The following VDR variants were observed in gnomAD, a reference collection of about 807,000 sequenced individuals.
VDR encodes vitamin D3 receptor.
VDR carries 19 observed loss-of-function variants against 39.7 expected under a neutral mutation model. The observed-to-expected ratio is 0.48, with a 90% CI of 0.33 to 0.70. The LOEUF (loss-of-function observed/expected upper bound fraction) is 0.70. VDR is among the 30% of genes least tolerant of loss of function. VDR has a pLI of 0.02. For synonymous variants in VDR, 242 were observed against 215.8 expected (o/e 1.12, Z -1.07); for missense variants, 442 against 570.5 (o/e 0.77, Z 2.29).
intron 2 of VDR, 48 bp downstream of exon 2, chr12:47,882,646 T>A: frequency 3.6e-5 from 5 of 140,786 alleles, no homozygotes; most frequent in Non-Finnish European, 6.3e-5. Flanking sequence ...ACCCCGCCCC[T>A]TGAAAACAGA....
At chr12:47,878,905 A>T in intron 3 of VDR, 63 bp downstream of exon 3, 1 of 1,613,076 alleles carries the variant, frequency 6.2e-7, no homozygotes, top group Non-Finnish European at 8.5e-7. Context: ...GGCTCCCTTC[A>T]TGGAAACACC....
At chr12:47,866,714 G>A (rs760276921) in intron 3 of VDR, among the ~76,000 whole-genome samples, 2 of 152,352 alleles carry the variant, frequency 1.3e-5, no homozygotes, top group South Asian at 2.1e-4. Context: ...CTAGAGCTGG[G>A]CACAGTGGCT....
chr12:47,857,088 C>T, intron 6 of VDR, 41 bp downstream of exon 6: 1 of 1,613,010 alleles, frequency 6.2e-7, no homozygotes, highest in Non-Finnish European at 8.5e-7. Flanking sequence ...GACTCCTCGC[C>T]CCCGCTCCCT....
intron 1 of VDR, 163 bp from the exon 2 acceptor site, chr12:47,882,937 C>G (rs1391038071): frequency 1.8e-6 from 1 of 569,362 alleles, no homozygotes; most frequent in Non-Finnish European, 3.0e-6. Context: ...CATGTCATCG[C>G]TGGCAGGGGT....
Position 47,846,662 on chromosome 12 carries a change from G to A in VDR, c.902C>T (p.Thr301Ile). 3 of 1,613,606 alleles carry A rather than the reference G, an allele frequency of 1.9e-6. No homozygotes were observed. Among genetic ancestry groups the A allele is most frequent in the Non-Finnish European group, 1.7e-6 (2 of 1,180,036 alleles). ...QDYKYRVSDV[T>I]KAGHSLELIE... is the part of the protein sequence containing the mutation. ...GAGGTGGAGTCTAGGCATACCTTTG[G>A]TCACGTCACTGACGCGGTACTTGTA... is the stretch of plus-strand genomic sequence containing the variant. The change falls in exon 8 of 10, where the codon ACC becomes ATC. Residue 301 changes from threonine to isoleucine, a missense_variant. By Grantham distance (89) the Thr-to-Ile change is moderately conservative. This residue lies in a region of VDR where 173 missense variants were observed against 252.0 expected (regional missense o/e 0.69). Transcript: ENST00000549336.
At chr12:47,869,326 G>C (rs943971319) in intron 3 of VDR, among the ~76,000 whole-genome samples, 4 of 152,040 alleles carry the variant, frequency 2.6e-5, no homozygotes, top group African/African-American at 9.6e-5. Context: ...CGCGAGGTCA[G>C]GAGATCGAGA....
intron 9 of VDR, among the ~76,000 whole-genome samples, chr12:47,845,735 C>T (rs1159990566): frequency 6.6e-6 from 1 of 152,158 alleles, no homozygotes; most frequent in Admixed American, 6.5e-5. Context: ...CTTGAGCCTC[C>T]AGTCCAGGAA....
At position 47,842,362 on chromosome 12, in the gene VDR, C is replaced by T. The variant is rs889555901; in HGVS notation, c.*2384G>A. On this transcript the variant is annotated 3_prime_UTR_variant, in exon 10 of 10. Transcript: ENST00000549336. The stretch of plus-strand genomic sequence containing the variant: ...CTCTTTCTGAAATCCAGGGCTTCCC[C>T]CAGGGACTGGGTCAGCCACCTGGGG... The T allele has an allele frequency of 6.6e-6, 1 of 152,348 alleles. No individual in the cohort carries two copies. The highest frequency in any genetic ancestry group is 6.5e-5 in the Admixed American group (1 of 15,280). The allele number at this position is 152,348 out of a possible 1,614,324, so 9.4% of individuals were successfully genotyped here.
Position 47,904,962 on chromosome 12 carries a change from G to A in VDR, c.-91C>T. On this transcript the variant is annotated 5_prime_UTR_variant, in exon 1 of 10. Coordinates refer to ENST00000549336, the MANE Select transcript of VDR (RefSeq NM_000376.3). ...CTGCTCCCGGGTTCGCACCTGGTCC[G>A]GCCGGCGGGTGGACAAGCTGTTCCG... 5.4e-6 allele frequency: 1 copy of A among 185,514 alleles called. No homozygotes were observed. Among genetic ancestry groups the A allele is most frequent in the Non-Finnish European group, 1.1e-5 (1 of 88,940 alleles). The allele number at this position is 185,514 out of a possible 1,614,324, so 11.5% of individuals were successfully genotyped here.
At chr12:47,900,884 C>T (rs1339459022) in intron 1 of VDR, among the ~76,000 whole-genome samples, 3 of 152,204 alleles carry the variant, frequency 2.0e-5, no homozygotes, top group Non-Finnish European at 2.9e-5. Flanking sequence ...AGGACTCTCC[C>T]CTGTGCAGAA....
chr12:47,846,992 A>T lies in VDR; in HGVS notation c.756-184T>A, dbSNP rs920975621. On this transcript the variant is annotated intron_variant, in intron 7 of 9. Transcript: ENST00000549336. ...GTTCCTTGAGAGAGAACAGTTCAAC[A>T]CTGTGATCATGTGCCAAGGCCAGAA... is the stretch of plus-strand genomic sequence containing the variant. Among the ~76,000 whole-genome samples, 11 of 152,116 alleles carry T rather than the reference A, an allele frequency of 7.2e-5. No individual in the cohort carries two copies. The South Asian group carries it at 2.1e-3, about 29-fold the overall frequency.
In VDR at chr12:47,846,582, G is replaced by GC. The variant is rs11574106; in HGVS notation, c.907+74dup. On this transcript the variant is annotated intron_variant, in intron 8 of 9. Coordinates refer to ENST00000549336, the MANE Select transcript of VDR (RefSeq NM_000376.3). ...ACTCCCTCCCATGTATCTGATTGGA[G>GC]CCAAACCCCAGGACGGGTGGAGCCA... The GC allele has an allele frequency of 0.046, 73,246 of 1,601,330 alleles. 2,901 individuals carry two copies. Among genetic ancestry groups the GC allele is most frequent in the African/African-American group, 0.21 (15,686 of 74,716 alleles).
At chr12:47,892,786 C>A (rs1444233564) in intron 1 of VDR, among the ~76,000 whole-genome samples, 1 of 152,160 alleles carries the variant, frequency 6.6e-6, no homozygotes, top group Non-Finnish European at 1.5e-5. Flanking sequence ...CAGGTAAGTG[C>A]CAGGTCTAGA....
intron 3 of VDR, among the ~76,000 whole-genome samples, chr12:47,869,015 C>A (rs892172369): frequency 1.3e-5 from 2 of 152,234 alleles, no homozygotes; most frequent in South Asian, 4.1e-4. Flanking sequence ...TATCAGAGGC[C>A]CCGTCTGTCC....
chr12:47,880,680 T>G (rs1946128570), intron 2 of VDR, among the ~76,000 whole-genome samples: 1 of 152,058 alleles, frequency 6.6e-6, no homozygotes, highest in African/African-American at 2.4e-5. Context: ...CTTAATGTAT[T>G]AGGTTGGTGC....
chr12:47,878,915 C>G (rs1946071535), intron 3 of VDR, 53 bp downstream of exon 3: 1 of 1,613,712 alleles, frequency 6.2e-7, no homozygotes, highest in South Asian at 1.1e-5. Flanking sequence ...ATGGAAACAC[C>G]TTGCTTCTTC....
At position 47,857,147 on chromosome 12, in the gene VDR, G is replaced by C. The variant is rs778063507; in HGVS notation, c.565C>G (p.His189Asp). The change falls in exon 6 of 10, where the codon CAC becomes GAC. Residue 189 changes from histidine to aspartate, a missense_variant. Physicochemically the swap from His to Asp is moderately conservative, Grantham distance 81. Coordinates refer to ENST00000549336, the MANE Select transcript of VDR (RefSeq NM_000376.3). Reference protein sequence around the residue: ...SGDSSSSCSDHCITSSDMMDS... With the variant: ...SGDSSSSCSDDCITSSDMMDS... ...TGCTTACCTGAAGAGGTGATACAGTGATCTGAGCAGGAGGAGGAGGAGTCC... is the reference window on the plus strand; with the variant it reads ...TGCTTACCTGAAGAGGTGATACAGTCATCTGAGCAGGAGGAGGAGGAGTCC... The C allele has an allele frequency of 1.2e-6, 2 of 1,614,060 alleles. No individual in the cohort carries two copies. Among genetic ancestry groups the C allele is most frequent in the African/African-American group, 2.7e-5 (2 of 74,946 alleles).
intron 1 of VDR, among the ~76,000 whole-genome samples, chr12:47,891,624 C>T (rs2137234219): frequency 6.6e-6 from 1 of 152,312 alleles, no homozygotes; most frequent in East Asian, 1.9e-4. Flanking sequence ...TAATCTCTCT[C>T]CTAACAGTCA....
At position 47,873,450 on chromosome 12, in the gene VDR, C is replaced by T. The variant is rs542005019; in HGVS notation, c.146+5518G>A. 3.4e-4 allele frequency among the ~76,000 whole-genome samples: 50 copies of T among 148,392 alleles called. 1 individual carries two copies. The highest frequency in any genetic ancestry group is 1.1e-3 in the African/African-American group (45 of 40,514). On this transcript the variant is annotated intron_variant, in intron 3 of 9. Coordinates refer to ENST00000549336, the MANE Select transcript of VDR (RefSeq NM_000376.3). ...ATCTCGGCTCACTGCAGCCTCCGCC[C>T]CCTGGGGTTCACGCCATTCTCCTGC...
Sources: gnomAD v4.1 joint callset for allele counts (sites outside exome capture counted in the v4.1 genomes callset) on GRCh38, gnomAD v4.1.1 for gene constraint, gnomAD v4.1.1 regional missense constraint, MANE v1.5 for transcripts, NCBI Gene and HGNC (gene_info 2026-07-23, HGNC 2026-07-21) for gene names.